MRPL42: variants seen among roughly 807,000 people sequenced by gnomAD.
MRPL42 encodes the protein large ribosomal subunit protein mL42.
In MRPL42, 17 loss-of-function variants were observed where a neutral mutation model predicts 17.9. That is an observed-to-expected ratio of 0.95 (90% CI 0.65 to 1.42). The LOEUF is 1.42. Ranked by LOEUF, MRPL42 falls within the 40% of genes most tolerant of loss-of-function variation. MRPL42 has a pLI of 0.00. For synonymous variants in MRPL42, 59 were observed against 54.4 expected (o/e 1.08, Z -0.37); for missense variants, 177 against 175.2 (o/e 1.01, Z -0.06).
At chr12:93,494,892 C>T (rs74490222) in intron 5 of MRPL42, among the ~76,000 whole-genome samples, 2,942 of 151,652 alleles carry the variant, frequency 0.019, 74 homozygotes, top group African/African-American at 0.062. Flanking sequence ...TTACTAAGGT[C>T]GAATTAATGA....
At chr12:93,468,603 G>T (rs73367708) in intron 1 of MRPL42, among the ~76,000 whole-genome samples, 1,637 of 152,298 alleles carry the variant, frequency 0.011, 29 homozygotes, top group African/African-American at 0.037. Flanking sequence ...GTGAAAGTAC[G>T]TTGGAAAGTT....
intron 3 of MRPL42, among the ~76,000 whole-genome samples, chr12:93,477,743 A>C (rs1291032013): frequency 6.7e-6 from 1 of 150,294 alleles, no homozygotes; most frequent in Admixed American, 6.6e-5. Context: ...GCTCACTGCA[A>C]CCTCCACCTC....
At position 93,509,250 on chromosome 12, in the gene MRPL42, A is replaced by C. The variant is rs919827676; in HGVS notation, c.*8029A>C. 6.6e-6 allele frequency: 1 copy of C among 150,818 alleles called. No individual in the cohort carries two copies. Among genetic ancestry groups the C allele is most frequent in the South Asian group, 2.1e-4 (1 of 4,792 alleles). 9.3% of individuals were successfully genotyped at this position (150,818 alleles called of 1,614,324 possible). A position where few individuals can be genotyped will look rare whatever the true frequency, so the allele number is the denominator to read the frequency against. On this transcript the variant is annotated 3_prime_UTR_variant, in exon 6 of 6. Coordinates refer to ENST00000549982, the MANE Select transcript of MRPL42 (RefSeq NM_014050.4). The stretch of plus-strand genomic sequence containing the variant: ...AGTGGTTGTACCATTTTATATTCTC[A>C]CCACCATGAATGAAAGTTCCAATTG...
chr12:93,483,858 G>T (rs200441502), intron 4 of MRPL42, among the ~76,000 whole-genome samples: 2 of 152,140 alleles, frequency 1.3e-5, no homozygotes, highest in South Asian at 4.2e-4. Flanking sequence ...ATCGTGTACA[G>T]CTATACAAAA....
rs542018052 is a variant in MRPL42 at position 93,507,501 on chromosome 12, G to T, written c.*6280G>T. The T allele has an allele frequency of 5.3e-5, 8 of 152,256 alleles. No individual in the cohort carries two copies. Among genetic ancestry groups the T allele is most frequent in the African/African-American group, 1.9e-4 (8 of 41,548 alleles). The allele number at this position is 152,256 out of a possible 1,614,324, so 9.4% of individuals were successfully genotyped here. A position where few individuals can be genotyped will look rare whatever the true frequency, so the allele number is the denominator to read the frequency against. On this transcript the variant is annotated 3_prime_UTR_variant, in exon 6 of 6. Coordinates refer to ENST00000549982, the MANE Select transcript of MRPL42 (RefSeq NM_014050.4). ...GGTTCTATCTTTTAAGGGAACTTTG[G>T]ATGAATCCTTGAATATCAGTTATCT... is the stretch of plus-strand genomic sequence containing the variant.
At position 93,510,740 on chromosome 12, in the gene MRPL42, A is replaced by G. The variant is rs1316094656; in HGVS notation, c.*9519A>G. 2 of 152,202 alleles carry G rather than the reference A, an allele frequency of 1.3e-5. No homozygotes were observed. Among genetic ancestry groups the G allele is most frequent in the East Asian group, 1.9e-4 (1 of 5,208 alleles). 9.4% of individuals were successfully genotyped at this position (152,202 alleles called of 1,614,324 possible). ...ATTTGCATTTCCCTGATAATATGTG[A>G]TATGGAACATCTATTTACTCATTAT... On this transcript the variant is annotated 3_prime_UTR_variant, in exon 6 of 6. Coordinates refer to ENST00000549982, the MANE Select transcript of MRPL42 (RefSeq NM_014050.4).
At chr12:93,482,587 T>G (rs1431109301) in intron 4 of MRPL42, among the ~76,000 whole-genome samples, 1 of 152,152 alleles carries the variant, frequency 6.6e-6, no homozygotes, top group East Asian at 1.9e-4. Flanking sequence ...GCATGGAAAG[T>G]TTTTGTTTGT....
Position 93,505,381 on chromosome 12 carries a change from A to G in MRPL42, c.*4160A>G, listed in dbSNP as rs923144183. ...TGTGTATTTTTAAAATTTCCAGAAG[A>G]TGAGTTGAATATCAGCCCACAAACA... On this transcript the variant is annotated 3_prime_UTR_variant, in exon 6 of 6. Coordinates refer to ENST00000549982, the MANE Select transcript of MRPL42 (RefSeq NM_014050.4). The G allele has an allele frequency of 3.9e-5, 6 of 152,110 alleles. No individual in the cohort carries two copies. Among genetic ancestry groups the G allele is most frequent in the Admixed American group, 3.9e-4 (6 of 15,274 alleles). The allele number at this position is 152,110 out of a possible 1,614,324, so 9.4% of individuals were successfully genotyped here.
At chr12:93,497,218 C>G (rs1458745976) in intron 5 of MRPL42, among the ~76,000 whole-genome samples, 1 of 152,084 alleles carries the variant, frequency 6.6e-6, no homozygotes, top group African/African-American at 2.4e-5. Flanking sequence ...GACTCCTCCC[C>G]AACTCATTCT....
rs182960748 is a variant in MRPL42 at position 93,472,966 on chromosome 12, C to T, written c.70+3611C>T. ...TGTGACCAAAATCTGGATCTCCCACCTTACTTTGTCCTGTATACTTTCTAC... is the reference window on the plus strand; with the variant it reads ...TGTGACCAAAATCTGGATCTCCCACTTTACTTTGTCCTGTATACTTTCTAC... On this transcript the variant is annotated intron_variant, in intron 2 of 5. Transcript: ENST00000549982. 1.1e-3 allele frequency among the ~76,000 whole-genome samples: 170 copies of T among 152,306 alleles called. 1 individual carries two copies. Among genetic ancestry groups the T allele is most frequent in the African/African-American group, 3.9e-3 (162 of 41,572 alleles).
chr12:93,478,205 C>G (rs1347653620), intron 3 of MRPL42, among the ~76,000 whole-genome samples: 5 of 151,450 alleles, frequency 3.3e-5, no homozygotes, highest in Non-Finnish European at 1.5e-5. Context: ...ATCTGCCTCC[C>G]TCGGCCTCCC....
intron 2 of MRPL42, chr12:93,470,488 T>G (rs978365990): frequency 7.8e-7 from 1 of 1,283,090 alleles, no homozygotes; most frequent in African/African-American, 1.5e-5. Context: ...TATTTTAGAT[T>G]CGGGCGTACA....
At position 93,508,290 on chromosome 12, in the gene MRPL42, G is replaced by GGGT. The variant is rs58397726; in HGVS notation, c.*7074_*7076dup. On this transcript the variant is annotated 3_prime_UTR_variant, in exon 6 of 6. Transcript: ENST00000549982. ...AAATTAGCTGGGGGTGGGGAGGGTGGGGTGGTGCTGCATGCCTGTAGTCCC... is the reference window on the plus strand; with the variant it reads ...AAATTAGCTGGGGGTGGGGAGGGTGGGGTGGTGGTGCTGCATGCCTGTAGTCCC... The GGGT allele has an allele frequency of 0.47, 70,546 of 148,530 alleles. 16,727 individuals carry two copies. The highest frequency in any genetic ancestry group is 0.56 in the African/African-American group (22,594 of 40,026). 9.2% of individuals were successfully genotyped at this position (148,530 alleles called of 1,614,324 possible). A position where few individuals can be genotyped will look rare whatever the true frequency, so the allele number is the denominator to read the frequency against.
rs371556568 is a variant in MRPL42, at chr12:93,476,029, T to C, written c.71-925T>C. Among the ~76,000 whole-genome samples the C allele has an allele frequency of 8.5e-5, 13 of 152,204 alleles. No individual in the cohort carries two copies. The East Asian group carries it at 1.9e-3, about 23-fold the overall frequency. On this transcript the variant is annotated intron_variant, in intron 2 of 5. Transcript: ENST00000549982. ...ACAAAAAAAGAAAAACAATTTTGGC[T>C]CTTGAATTTGCAGGTATTCTAAAAA... is the stretch of plus-strand genomic sequence containing the variant.
chr12:93,469,350 T>A lies in MRPL42; in HGVS notation c.65T>A (p.Val22Asp). ...ACTATCTTGAAACATTTATTTCCAGTCCAAAGTAAGTGAAATTTTTTTTAA... is the reference window on the plus strand; with the variant it reads ...ACTATCTTGAAACATTTATTTCCAGACCAAAGTAAGTGAAATTTTTTTTAA... ...KRTILKHLFP[V>D]QNGALYCVCH... The change falls in exon 2 of 6, where the codon GTC becomes GAC. Residue 22 changes from valine (V) to aspartate (D), a missense_variant. Transcript: ENST00000549982. 6.3e-7 allele frequency: 1 copy of A among 1,597,436 alleles called. No homozygotes were observed. The highest frequency in any genetic ancestry group is 8.5e-7 in the Non-Finnish European group (1 of 1,174,910).
intron 5 of MRPL42, among the ~76,000 whole-genome samples, chr12:93,489,295 G>C (rs1483456220): frequency 6.6e-6 from 1 of 151,982 alleles, no homozygotes; most frequent in African/African-American, 2.4e-5. Flanking sequence ...AAGTGTGTGG[G>C]GGAAATTACT....
chr12:93,497,005 C>G (rs75519168), intron 5 of MRPL42, among the ~76,000 whole-genome samples: 2 of 152,032 alleles, frequency 1.3e-5, no homozygotes, highest in African/African-American at 2.4e-5. Context: ...CATACAACCT[C>G]GCATGTTTGA....
chr12:93,483,239 T>C (rs751326335), intron 4 of MRPL42, among the ~76,000 whole-genome samples: 4 of 152,232 alleles, frequency 2.6e-5, no homozygotes, highest in Non-Finnish European at 5.9e-5. Context: ...TCTCCCTTTC[T>C]ACTTTTCACT....
intron 5 of MRPL42, among the ~76,000 whole-genome samples, chr12:93,494,530 A>G (rs961039108): frequency 6.6e-6 from 1 of 152,220 alleles, no homozygotes; most frequent in African/African-American, 2.4e-5. Flanking sequence ...CTGAGAGAGC[A>G]GGCTGCAGGA....
Sources: gnomAD v4.1 joint callset for allele counts (sites outside exome capture counted in the v4.1 genomes callset) on GRCh38, gnomAD v4.1.1 for gene constraint, MANE v1.5 for transcripts, NCBI Gene and HGNC (gene_info 2026-07-23, HGNC 2026-07-21) for gene names.